CALN1: variants seen among roughly 807,000 people sequenced by gnomAD.
The protein encoded by CALN1 is calneuron 1.
A neutral mutation model predicts 30.6 loss-of-function variants in CALN1; 17 were observed. The ratio of observed to expected loss-of-function variants is 0.56; its 90% CI spans 0.38 to 0.83. The LOEUF is 0.83. Ranked by LOEUF, CALN1 falls within the 40% of genes least tolerant of loss-of-function variation. The pLI is 0.00. For missense variants in CALN1, 291 were observed against 354.9 expected (o/e 0.82, Z 1.45); for synonymous variants, 156 against 131.4 (o/e 1.19, Z -1.28).
At chr7:72,118,740 T>C (rs1388143886) in intron 3 of CALN1, among the ~76,000 whole-genome samples, 1 of 152,102 alleles carries the variant, frequency 6.6e-6, no homozygotes, top group Non-Finnish European at 1.5e-5. Flanking sequence ...CCATACAAAA[T>C]GACAAATGAC....
intron 5 of CALN1, among the ~76,000 whole-genome samples, chr7:71,935,986 A>G (rs766988099): frequency 6.6e-6 from 1 of 152,092 alleles, no homozygotes; most frequent in Non-Finnish European, 1.5e-5. Context: ...AGTGTAGTAG[A>G]GACTCCCAGG....
At chr7:72,270,474 A>G (rs1796903088) in intron 3 of CALN1, among the ~76,000 whole-genome samples, 1 of 152,236 alleles carries the variant, frequency 6.6e-6, no homozygotes, top group Admixed American at 6.5e-5. Context: ...AGAAGATAAA[A>G]GTTTTAATAA....
At chr7:72,206,715 T>TGC (rs778401922) in intron 3 of CALN1, among the ~76,000 whole-genome samples, 44 of 152,246 alleles carry the variant, frequency 2.9e-4, no homozygotes, top group Admixed American at 5.9e-4. Flanking sequence ...TTTTTAACTA[T>TGC]GCCCTTTCTT....
chr7:72,264,123 T>C (rs1461858886), intron 3 of CALN1, among the ~76,000 whole-genome samples: 1 of 152,154 alleles, frequency 6.6e-6, no homozygotes, highest in Non-Finnish European at 1.5e-5. Flanking sequence ...TTCTGAGAAG[T>C]CAGGAGACGG....
rs1792658532 is a variant in CALN1, at chr7:71,780,490, T to C, written c.*7285A>G. On this transcript the variant is annotated 3_prime_UTR_variant, in exon 7 of 7. Coordinates refer to ENST00000395275, the MANE Select transcript of CALN1 (RefSeq NM_031468.4). ...TCTTCCTGCCCTCTCTCCCTGGTCA[T>C]GGGTGGGCCACATCAAAAGCAGGCA... 1 of 152,298 alleles carries C rather than the reference T, an allele frequency of 6.6e-6. No individual in the cohort carries two copies. The highest frequency in any genetic ancestry group is 6.5e-5 in the Admixed American group (1 of 15,274). 9.4% of individuals were successfully genotyped at this position (152,298 alleles called of 1,614,324 possible).
intron 4 of CALN1, among the ~76,000 whole-genome samples, chr7:72,084,360 A>C (rs1489538462): frequency 3.3e-5 from 5 of 151,520 alleles, no homozygotes; most frequent in African/African-American, 7.3e-5. Flanking sequence ...TAAAACCATA[A>C]ATCTTCCAGC....
At chr7:72,021,354 G>A (rs906370684) in intron 5 of CALN1, among the ~76,000 whole-genome samples, 1 of 152,086 alleles carries the variant, frequency 6.6e-6, no homozygotes, top group East Asian at 1.9e-4. Flanking sequence ...GAAACGCCCA[G>A]GGGAGAAGCA....
intron 2 of CALN1, among the ~76,000 whole-genome samples, chr7:72,379,845 C>T (rs887078440): frequency 1.3e-5 from 2 of 152,130 alleles, no homozygotes; most frequent in Admixed American, 6.5e-5. Flanking sequence ...CCTGCAGGGA[C>T]CTGAAAATGA....
At chr7:71,844,589 T>G (rs2190048) in intron 5 of CALN1, among the ~76,000 whole-genome samples, 1 of 151,988 alleles carries the variant, frequency 6.6e-6, no homozygotes, top group Non-Finnish European at 1.5e-5. Context: ...CATATCACAA[T>G]AACTAATTAA....
rs142116860 is a variant in CALN1, at chr7:72,392,792, A to G, written c.119+10459T>C. ...GAAGAATTCAAGACCAGCCTGGGCAACATAGCAAGACCCTGTTTAAATTAA... is the reference window on the plus strand; with the variant it reads ...GAAGAATTCAAGACCAGCCTGGGCAGCATAGCAAGACCCTGTTTAAATTAA... On this transcript the variant is annotated intron_variant, in intron 2 of 6. Transcript: ENST00000395275. Among the ~76,000 whole-genome samples the G allele has an allele frequency of 2.0e-5, 3 of 151,948 alleles. No individual in the cohort carries two copies. The East Asian group carries it at 5.8e-4, about 30-fold the overall frequency.
intron 5 of CALN1, among the ~76,000 whole-genome samples, chr7:71,845,963 G>A (rs1790208246): frequency 6.6e-6 from 1 of 152,128 alleles, no homozygotes; most frequent in African/African-American, 2.4e-5. Flanking sequence ...TGAAGCAGGA[G>A]AATCACTTGA....
chr7:72,242,106 T>C (rs370083426), intron 3 of CALN1, among the ~76,000 whole-genome samples: 3 of 152,310 alleles, frequency 2.0e-5, no homozygotes, highest in East Asian at 3.9e-4. Flanking sequence ...TCTAGGGACC[T>C]CATAGAAATG....
At chr7:72,347,994 G>A (rs1802732966) in intron 2 of CALN1, among the ~76,000 whole-genome samples, 1 of 152,118 alleles carries the variant, frequency 6.6e-6, no homozygotes, top group Non-Finnish European at 1.5e-5. Flanking sequence ...ATCCAGGCAT[G>A]GTAGCAGGTG....
At chr7:72,473,310 C>T in the CALN1 span, among the ~76,000 whole-genome samples, 1 of 152,014 alleles carries the variant, frequency 6.6e-6, no homozygotes, top group Non-Finnish European at 1.5e-5. Context: ...GTGCCGAGGT[C>T]TCAGGGTGCC....
the CALN1 span, among the ~76,000 whole-genome samples, chr7:72,457,938 T>C: frequency 5.3e-5 from 8 of 150,890 alleles, no homozygotes; most frequent in East Asian, 1.6e-3. Flanking sequence ...GTATTTTTTG[T>C]AGAGATAGGG....
At chr7:72,109,789 G>A (rs2129541489) in intron 3 of CALN1, among the ~76,000 whole-genome samples, 1 of 152,320 alleles carries the variant, frequency 6.6e-6, no homozygotes, top group East Asian at 1.9e-4. Flanking sequence ...CGACGTGAGA[G>A]TCAGCCCATG....
chr7:71,833,784 A>G (rs1789433043), intron 5 of CALN1, among the ~76,000 whole-genome samples: 1 of 152,036 alleles, frequency 6.6e-6, no homozygotes, highest in African/African-American at 2.4e-5. Context: ...TTAGTGGTAC[A>G]GGCCTGTCAT....
rs143277907 is a variant in CALN1, at chr7:72,376,352, T to C, written c.119+26899A>G. On this transcript the variant is annotated intron_variant, in intron 2 of 6. Coordinates refer to ENST00000395275, the MANE Select transcript of CALN1 (RefSeq NM_031468.4). ...AAAGTGACATCATTTTACAGTACAA[T>C]GCAAAAGGTTTACAATGTCTCCGCA... is the stretch of plus-strand genomic sequence containing the variant. Among the ~76,000 whole-genome samples the C allele has an allele frequency of 3.3e-5, 5 of 152,342 alleles. No individual in the cohort carries two copies. The East Asian group carries it at 5.8e-4, about 18-fold the overall frequency.
intron 5 of CALN1, among the ~76,000 whole-genome samples, chr7:71,892,373 A>ATG (rs1793290187): frequency 6.6e-6 from 1 of 152,218 alleles, no homozygotes; most frequent in Non-Finnish European, 1.5e-5. Flanking sequence ...GCAGTGGCTC[A>ATG]CGCCTGTAAT....
Sources: allele counts gnomAD v4.1 joint callset (sites outside exome capture counted in the v4.1 genomes callset), GRCh38; gene constraint gnomAD v4.1.1; transcripts MANE v1.5; gene names NCBI Gene and HGNC (gene_info 2026-07-23, HGNC 2026-07-21).